TMC3: variants seen among roughly 807,000 people sequenced by gnomAD.
TMC3 encodes transmembrane channel like 3.
In TMC3, 98 loss-of-function variants were observed where a neutral mutation model predicts 110.6. That is an observed-to-expected ratio of 0.89 (90% CI 0.75 to 1.05). The LOEUF (loss-of-function observed/expected upper bound fraction) is 1.05, where lower values mean the gene tolerates loss of function less well. TMC3 is among the 50% of genes least tolerant of loss of function. The pLI is 0.00. For missense variants in TMC3, 1,319 were observed against 1,373.2 expected, an observed-to-expected ratio of 0.96 and a Z score of 0.62; for synonymous variants, 489 against 513.1, an observed-to-expected ratio of 0.95 and a Z score of 0.63.
chr15:81,342,847 G>A (rs1893743491), intron 15 of TMC3: 1 of 157,568 alleles, frequency 6.3e-6, no homozygotes, highest in Admixed American at 6.2e-5. Context: ...CAGTCTAGGG[G>A]ATGGCTGTAC....
intron 12 of TMC3, among the ~76,000 whole-genome samples, chr15:81,346,121 G>A (rs1350834434): frequency 6.6e-6 from 1 of 152,134 alleles, no homozygotes; most frequent in African/African-American, 2.4e-5. Context: ...CAAAAATTCT[G>A]GAGTTCTCAT....
intron 1 of TMC3, among the ~76,000 whole-genome samples, chr15:81,373,120 T>G (rs533362096): frequency 6.6e-6 from 1 of 152,276 alleles, no homozygotes; most frequent in East Asian, 1.9e-4. Flanking sequence ...TTTTTCAGGC[T>G]CATTGAAATA....
In TMC3 at chr15:81,332,866, A is replaced by G. The variant is rs770070011; in HGVS notation, c.2856T>C (p.Asp952=). The change falls in exon 22 of 22, where the codon GAT becomes GAC. Residue 952 remains aspartate, a synonymous_variant. Transcript: ENST00000359440. Reference sequence around the variant, plus strand: ...GTGGGGGAAGAGACCGTTTGATCCAATCTCTGCTTGGCGTCTCCTCCTCTT... The same window carrying G: ...GTGGGGGAAGAGACCGTTTGATCCAGTCTCTGCTTGGCGTCTCCTCCTCTT... ...SEEEEETPSR[D]WIKRSLPPRS... 4.5e-5 allele frequency: 72 copies of G among 1,613,326 alleles called. No homozygotes were observed. The highest frequency in any genetic ancestry group is 1.2e-4 in the Admixed American group (7 of 60,022).
At chr15:81,337,417 C>T (rs1160941532) in intron 19 of TMC3, among the ~76,000 whole-genome samples, 1 of 152,164 alleles carries the variant, frequency 6.6e-6, no homozygotes, top group East Asian at 1.9e-4. Flanking sequence ...ACAGCCACAT[C>T]TAAAGGATAT....
chr15:81,351,986 C>T, intron 9 of TMC3, 145 bp from the exon 10 acceptor site: 1 of 906,788 alleles, frequency 1.1e-6, no homozygotes, highest in Non-Finnish European at 1.6e-6. Flanking sequence ...TCCAGCCCAC[C>T]CCACCCAGCA....
At chr15:81,337,114 G>T (rs1596078908) in intron 19 of TMC3, among the ~76,000 whole-genome samples, 1 of 151,714 alleles carries the variant, frequency 6.6e-6, no homozygotes, top group Admixed American at 6.6e-5. Context: ...TTTTGCATGG[G>T]TGAGGTCAGT....
intron 13 of TMC3, 33 bp from the exon 14 acceptor site, chr15:81,344,078 G>A (rs1596082509): frequency 3.1e-6 from 5 of 1,591,732 alleles, no homozygotes; most frequent in Middle Eastern, 1.9e-4. Flanking sequence ...ATGCCACCAT[G>A]CCCCACCCTT....
At chr15:81,365,918 A>G (rs1159974249) in intron 3 of TMC3, among the ~76,000 whole-genome samples, 1 of 152,206 alleles carries the variant, frequency 6.6e-6, no homozygotes, top group East Asian at 1.9e-4. Flanking sequence ...TGACCTATCA[A>G]CATGTCAACA....
At position 81,338,785 on chromosome 15, in the gene TMC3, GAGAA is replaced by G; in HGVS notation, c.1956-9_1956-6del. 6.2e-7 allele frequency: 1 copy of G among 1,613,104 alleles called. No homozygotes were observed. The highest frequency in any genetic ancestry group is 8.5e-7 in the Non-Finnish European group (1 of 1,179,592). On this transcript the variant is annotated splice_polypyrimidine_tract_variant and splice_region_variant and intron_variant, in intron 17 of 21. Transcript: ENST00000359440. ...TCATAAATTTTCTCTTGTCCACTGT[GAGAA>G]AGAAAAACATAACTCCAGATTTTAT... is the stretch of plus-strand genomic sequence containing the variant.
chr15:81,368,387 A>G, intron 2 of TMC3, 59 bp from the exon 3 acceptor site: 1 of 1,298,612 alleles, frequency 7.7e-7, no homozygotes, highest in Middle Eastern at 1.8e-4. Flanking sequence ...ATTTCTGCAA[A>G]ATGTGTAAAA....
At position 81,349,444 on chromosome 15, in the gene TMC3, C is replaced by A; in HGVS notation, c.1193+14G>T. 2 of 1,448,568 alleles carry A rather than the reference C, an allele frequency of 1.4e-6. No homozygotes were observed. The highest frequency in any genetic ancestry group is 5.3e-5 in the East Asian group (2 of 37,722). The allele number at this position is 1,448,568 out of a possible 1,614,324, so 89.7% of individuals were successfully genotyped here. A position where few individuals can be genotyped will look rare whatever the true frequency, so the allele number is the denominator to read the frequency against. Reference sequence around the variant, plus strand: ...GTGAGCCACAGGTGGCATTTCTGGGCAGGACTGTTGTACCTTGCAAGCTGG... The same window carrying A: ...GTGAGCCACAGGTGGCATTTCTGGGAAGGACTGTTGTACCTTGCAAGCTGG... On this transcript the variant is annotated intron_variant, in intron 11 of 21. Transcript: ENST00000359440.
At chr15:81,373,794 A>G (rs548492617) in intron 1 of TMC3, among the ~76,000 whole-genome samples, 195 bp downstream of exon 1, 1 of 152,304 alleles carries the variant, frequency 6.6e-6, no homozygotes, top group South Asian at 2.1e-4. Flanking sequence ...AAGCAGCCAG[A>G]AGAACCATTT....
chr15:81,358,374 C>A, intron 6 of TMC3, 28 bp downstream of exon 6: 1 of 1,607,228 alleles, frequency 6.2e-7, no homozygotes, highest in Non-Finnish European at 8.5e-7. Context: ...TCCCTCAAGA[C>A]AAGAGTGTGG....
chr15:81,372,703 C>G lies in TMC3; in HGVS notation c.124G>C (p.Gly42Arg). ...ATTTGTTCCGGATCATTGCTGTCCCCTGTTTCATCAGCACTAAAGCTGTCA... is the reference window on the plus strand; with the variant it reads ...ATTTGTTCCGGATCATTGCTGTCCCGTGTTTCATCAGCACTAAAGCTGTCA... Reference protein sequence around the residue: ...LDDSFSADETGDSNDPEQIFQ... With the variant: ...LDDSFSADETRDSNDPEQIFQ... The change falls in exon 2 of 22, where the codon GGG becomes CGG. Residue 42 changes from glycine (G) to arginine (R), a missense_variant. Coordinates refer to ENST00000359440, the MANE Select transcript of TMC3 (RefSeq NM_001080532.3). 3 of 1,613,992 alleles carry G rather than the reference C, an allele frequency of 1.9e-6. No individual in the cohort carries two copies. Among genetic ancestry groups the G allele is most frequent in the Non-Finnish European group, 2.5e-6 (3 of 1,179,884 alleles).
rs1215912824 is a variant in TMC3, at chr15:81,372,958, T to C, written c.90-221A>G. ...AGTGTCAGTAGCCTGTTGAAACACA[T>C]TTATTGGATTCAATTACTTCCACTG... On this transcript the variant is annotated intron_variant, in intron 1 of 21. Transcript: ENST00000359440. Among the ~76,000 whole-genome samples the C allele has an allele frequency of 4.6e-5, 7 of 152,106 alleles. No homozygotes were observed. In the East Asian group the frequency reaches 1.4e-3, roughly 29 times the overall value.
chr15:81,360,019 G>A (rs1418830990), intron 4 of TMC3, among the ~76,000 whole-genome samples: 2 of 151,766 alleles, frequency 1.3e-5, no homozygotes, highest in Admixed American at 6.6e-5. Flanking sequence ...TATATCTATT[G>A]AGAAAATCCA....
intron 4 of TMC3, among the ~76,000 whole-genome samples, chr15:81,360,405 A>G (rs934097865): frequency 6.6e-6 from 1 of 152,208 alleles, no homozygotes; most frequent in Non-Finnish European, 1.5e-5. Context: ...TTATTGTTCC[A>G]TTAAGTAAAT....
intron 12 of TMC3, 25 bp from the exon 13 acceptor site, chr15:81,345,036 A>G (rs1356463860): frequency 1.4e-5 from 22 of 1,548,332 alleles, no homozygotes; most frequent in Admixed American, 7.9e-5. Flanking sequence ...AGAGAGAGAG[A>G]GGGAAGCAGG....
intron 11 of TMC3, among the ~76,000 whole-genome samples, 156 bp downstream of exon 11, chr15:81,349,302 G>C (rs768504381): frequency 6.6e-6 from 1 of 151,738 alleles, no homozygotes; most frequent in Non-Finnish European, 1.5e-5. Flanking sequence ...CCTCCTCTTG[G>C]GTTATGCTTT....
Sources: allele counts gnomAD v4.1 joint callset (sites outside exome capture counted in the v4.1 genomes callset), GRCh38; gene constraint gnomAD v4.1.1; transcripts MANE v1.5; gene names NCBI Gene and HGNC (gene_info 2026-07-23, HGNC 2026-07-21).